INTS4: variants seen among roughly 807,000 people sequenced by gnomAD.
INTS4 encodes the protein MSTP093.
In INTS4, 70 loss-of-function variants were observed where a neutral mutation model predicts 119.5. The observed-to-expected ratio is 0.59, with a 90% CI of 0.48 to 0.71. The LOEUF (loss-of-function observed/expected upper bound fraction) is 0.71, where lower values mean the gene tolerates loss of function less well. INTS4 is among the 30% of genes least tolerant of loss of function. The pLI, the probability that INTS4 is intolerant of heterozygous loss-of-function variation, is 0.00. For missense variants in INTS4, 867 were observed against 1,173.2 expected (o/e 0.74, Z 3.81); for synonymous variants, 316 against 419.6 (o/e 0.75, Z 3.02).
intron 1 of INTS4, among the ~76,000 whole-genome samples, chr11:77,993,768 C>A (rs1300403376): frequency 6.6e-6 from 1 of 152,114 alleles, no homozygotes; most frequent in Non-Finnish European, 1.5e-5. Flanking sequence ...GCAACCAATG[C>A]ACTGGTGTAA....
At chr11:77,882,867 T>C (rs1177285405) in intron 22 of INTS4, among the ~76,000 whole-genome samples, 1 of 152,162 alleles carries the variant, frequency 6.6e-6, no homozygotes, top group South Asian at 2.1e-4. Flanking sequence ...GGTCAGGAGT[T>C]CGAGACTAGC....
At chr11:77,965,916 A>T (rs1433659962) in intron 4 of INTS4, among the ~76,000 whole-genome samples, 1 of 152,216 alleles carries the variant, frequency 6.6e-6, no homozygotes, top group African/African-American at 2.4e-5. Context: ...TTCCATAAAT[A>T]GTTGTACTAA....
intron 2 of INTS4, 51 bp from the exon 3 acceptor site, chr11:77,981,627 A>G (rs372146962): frequency 1.2e-6 from 1 of 813,940 alleles, no homozygotes; most frequent in Non-Finnish European, 1.9e-6. Context: ...TTAGCTAACC[A>G]ACAAACAGGA....
chr11:77,897,323 G>A (rs1195184949), intron 18 of INTS4, among the ~76,000 whole-genome samples: 2 of 150,842 alleles, frequency 1.3e-5, no homozygotes, highest in South Asian at 2.1e-4. Context: ...GTGAAACCAT[G>A]TTTCTATTAT....
intron 8 of INTS4, among the ~76,000 whole-genome samples, chr11:77,942,667 A>G (rs772972701): frequency 3.9e-5 from 6 of 152,218 alleles, no homozygotes; most frequent in Non-Finnish European, 8.8e-5. Flanking sequence ...CCCATCTTGC[A>G]ACAGTATGAC....
rs749672057 is a variant in INTS4 at position 77,883,877 on chromosome 11, G to A, written c.2668C>T (p.His890Tyr). ...AGATAAACCTGAGTGATGAGCCGGT[G>A]CCGCCCTGGGCCAGGATTCCGGAAG... ...ADFRNPGPGR[H>Y]RLITQVYLSH... Residue 890 changes from histidine (H) to tyrosine (Y), a missense_variant, in exon 22 of 23, where the codon CAC (histidine) becomes TAC (tyrosine). His to Tyr is a moderately conservative substitution (Grantham distance 83). Coordinates refer to ENST00000534064, the MANE Select transcript of INTS4 (RefSeq NM_033547.4). 2.2e-5 allele frequency: 35 copies of A among 1,612,918 alleles called. No homozygotes were observed. The highest frequency in any genetic ancestry group is 1.6e-4 in the Middle Eastern group (1 of 6,062).
chr11:77,975,978 C>A (rs1214855292), intron 4 of INTS4, among the ~76,000 whole-genome samples: 1 of 148,192 alleles, frequency 6.7e-6, no homozygotes, highest in African/African-American at 2.5e-5. Context: ...GGAACCTCCA[C>A]AAACGATTTA....
chr11:77,981,739 T>TTTTATTTATTTATTTA (rs56771826), intron 2 of INTS4, among the ~76,000 whole-genome samples, 163 bp from the exon 3 acceptor site: 46 of 149,962 alleles, frequency 3.1e-4, no homozygotes, highest in African/African-American at 1.1e-3. Context: ...GACAGCTTTC[T>TTTTATTTATTTATTTA]TTTATTTATT....
At chr11:77,988,570 G>A (rs1427117881) in intron 2 of INTS4, among the ~76,000 whole-genome samples, 1 of 152,206 alleles carries the variant, frequency 6.6e-6, no homozygotes, top group Non-Finnish European at 1.5e-5. Flanking sequence ...AGGGGACTAG[G>A]AAGTGCGGGG....
chr11:77,945,039 T>C (rs539610700), intron 8 of INTS4, among the ~76,000 whole-genome samples: 27 of 152,314 alleles, frequency 1.8e-4, no homozygotes, highest in Non-Finnish European at 3.4e-4. Flanking sequence ...TGTAGATATA[T>C]GCTGCAGAGC....
chr11:77,961,865 T>G (rs928217038), intron 4 of INTS4, among the ~76,000 whole-genome samples: 2 of 152,258 alleles, frequency 1.3e-5, no homozygotes, highest in Admixed American at 6.5e-5. Context: ...GCCTTTCCGT[T>G]GATGAATATT....
At chr11:77,949,955 T>C (rs1172157493) in intron 8 of INTS4, among the ~76,000 whole-genome samples, 4 of 152,150 alleles carry the variant, frequency 2.6e-5, no homozygotes, top group African/African-American at 9.7e-5. Flanking sequence ...CAGTAAAGAC[T>C]TAGAACCAAC....
chr11:77,878,164 C>A (rs188684300), downstream of INTS4, among the ~76,000 whole-genome samples: 623 of 152,104 alleles, frequency 4.1e-3, 16 homozygotes, highest in East Asian at 0.05. Flanking sequence ...AGATCAAGAC[C>A]ATCCTGGCTA....
At chr11:77,981,739 T>TTTA (rs1565290160) in intron 2 of INTS4, among the ~76,000 whole-genome samples, 163 bp from the exon 3 acceptor site, 14,744 of 149,936 alleles carry the variant, frequency 0.098, 989 homozygotes, top group East Asian at 0.23. Context: ...GACAGCTTTC[T>TTTA]TTTATTTATT....
intron 8 of INTS4, 28 bp from the exon 9 acceptor site, chr11:77,941,279 A>G: frequency 6.3e-7 from 1 of 1,588,672 alleles, no homozygotes; most frequent in Non-Finnish European, 8.5e-7. Flanking sequence ...CAGAGCATAT[A>G]AAACAACTTT....
At chr11:77,963,369 A>AC (rs66526990) in intron 4 of INTS4, 64 of 322,978 alleles carry the variant, frequency 2.0e-4, no homozygotes, top group South Asian at 9.3e-4. Flanking sequence ...AAAAAAAAAA[A>AC]AAAAACAAAA....
intron 4 of INTS4, among the ~76,000 whole-genome samples, chr11:77,964,364 G>A (rs200396900): frequency 2.0e-5 from 3 of 151,680 alleles, no homozygotes; most frequent in Non-Finnish European, 4.4e-5. Context: ...TCAGGAGATC[G>A]AGACCATCCT....
intron 18 of INTS4, among the ~76,000 whole-genome samples, chr11:77,894,956 T>C (rs1232023438): frequency 6.6e-6 from 1 of 152,220 alleles, no homozygotes; most frequent in African/African-American, 2.4e-5. Context: ...CCTACTAATG[T>C]AGTTGATACT....
intron 4 of INTS4, among the ~76,000 whole-genome samples, chr11:77,962,993 C>A (rs2136591070): frequency 6.6e-6 from 1 of 152,188 alleles, no homozygotes; most frequent in East Asian, 1.9e-4. Flanking sequence ...CCAGCCTGAG[C>A]AACAGAGCAA....
Sources: allele counts gnomAD v4.1 joint callset (sites outside exome capture counted in the v4.1 genomes callset), GRCh38; gene constraint gnomAD v4.1.1; transcripts MANE v1.5; gene names NCBI Gene and HGNC (gene_info 2026-07-23, HGNC 2026-07-21).